WDFY3: variants seen among roughly 807,000 people sequenced by gnomAD.
WDFY3 encodes WD repeat and FYVE domain containing 3.
A neutral mutation model predicts 409.6 loss-of-function variants in WDFY3; 66 were observed. The observed-to-expected ratio is 0.16, with a 90% CI of 0.13 to 0.20. The LOEUF (loss-of-function observed/expected upper bound fraction) is 0.20, where lower values mean the gene tolerates loss of function less well. Ranked by LOEUF, WDFY3 falls within the 10% of genes least tolerant of loss-of-function variation. The pLI, the probability that WDFY3 is intolerant of heterozygous loss-of-function variation, is 1.00. For missense variants in WDFY3, 3,031 were observed against 4,298.1 expected (o/e 0.71, Z 8.24); for synonymous variants, 1,521 against 1,537.1 (o/e 0.99, Z 0.25).
chr4:84,691,955 G>T (rs903659569), intron 59 of WDFY3, among the ~76,000 whole-genome samples, 170 bp from the exon 60 acceptor site: 1 of 152,186 alleles, frequency 6.6e-6, no homozygotes, highest in Admixed American at 6.5e-5. Context: ...TACAAGACCT[G>T]CTGGGTGGAA....
intron 30 of WDFY3, among the ~76,000 whole-genome samples, chr4:84,769,809 T>C (rs1217716490): frequency 2.0e-5 from 3 of 152,160 alleles, no homozygotes; most frequent in African/African-American, 4.8e-5. Flanking sequence ...CCATATGTAA[T>C]GACCAAATCA....
chr4:84,948,326 C>T (rs1181797631), intron 1 of WDFY3, among the ~76,000 whole-genome samples: 5 of 151,920 alleles, frequency 3.3e-5, no homozygotes, highest in Admixed American at 1.3e-4. Context: ...CCTGTTAAGA[C>T]GTTAGTATGA....
At chr4:84,860,681 C>G in intron 3 of WDFY3, 59 bp from the exon 4 acceptor site, 1 of 1,351,304 alleles carries the variant, frequency 7.4e-7, no homozygotes, top group Non-Finnish European at 9.7e-7. Flanking sequence ...CTAGGTCAAG[C>G]ATGCATGTAA....
At chr4:84,852,564 G>GT (rs1230791033) in intron 4 of WDFY3, among the ~76,000 whole-genome samples, 1 of 152,116 alleles carries the variant, frequency 6.6e-6, no homozygotes, top group African/African-American at 2.4e-5. Context: ...CAAGGGTATC[G>GT]TTTTTTCCAG....
Position 84,751,690 on chromosome 4 carries a change from T to C in WDFY3, c.5766A>G (p.Gly1922=). Residue 1922 remains glycine (G), a synonymous_variant, in exon 36 of 68, where the codon GGA becomes GGG. Coordinates refer to ENST00000295888, the MANE Select transcript of WDFY3 (RefSeq NM_014991.6). ...ACGCTTTAAACTCTTCTGCTGGAGATCCAACTTCATCATCAAGGTCAGTCA... is the reference window on the plus strand; with the variant it reads ...ACGCTTTAAACTCTTCTGCTGGAGACCCAACTTCATCATCAAGGTCAGTCA... The part of the protein sequence containing the change: ...EMVTDLDDEV[G]SPAEEFKAFA... The C allele has an allele frequency of 6.2e-7, 1 of 1,614,154 alleles. No homozygotes were observed. Among genetic ancestry groups the C allele is most frequent in the Non-Finnish European group, 8.5e-7 (1 of 1,180,018 alleles).
At chr4:84,956,852 T>C (rs576613175) in intron 1 of WDFY3, among the ~76,000 whole-genome samples, 1 of 152,174 alleles carries the variant, frequency 6.6e-6, no homozygotes, top group Admixed American at 6.5e-5. Flanking sequence ...GCTTAATTAC[T>C]GCAGCACTTG....
chr4:84,739,195 A>G (rs1377222113), intron 39 of WDFY3, 76 bp from the exon 40 acceptor site: 6 of 1,413,806 alleles, frequency 4.2e-6, no homozygotes, highest in East Asian at 2.3e-5. Context: ...GAATTACTCT[A>G]TTTCCATTAC....
chr4:84,810,476 T>A (rs1752318898), intron 13 of WDFY3, 132 bp from the exon 14 acceptor site: 1 of 777,820 alleles, frequency 1.3e-6, no homozygotes. Flanking sequence ...CAATAAACGG[T>A]CCTATAAAGC....
rs537594508 is a variant in WDFY3 at position 84,715,150 on chromosome 4, C to A, written c.7961+148G>T. 55 of 508,966 alleles carry A rather than the reference C, an allele frequency of 1.1e-4. 1 individual carries two copies. The South Asian group carries it at 1.7e-3, about 16-fold the overall frequency. 31.5% of individuals were successfully genotyped at this position (508,966 alleles called of 1,614,324 possible). A position where few individuals can be genotyped will look rare whatever the true frequency, so the allele number is the denominator to read the frequency against. On this transcript the variant is annotated intron_variant, in intron 50 of 67. Transcript: ENST00000295888. ...TTAAAAGTCAGAAGAATAATTGTTTCAAGAGGGTGGCAAAAATAATATAAA... is the reference window on the plus strand; with the variant it reads ...TTAAAAGTCAGAAGAATAATTGTTTAAAGAGGGTGGCAAAAATAATATAAA...
intron 34 of WDFY3, 131 bp from the exon 35 acceptor site, chr4:84,754,007 C>T: frequency 2.0e-6 from 2 of 1,006,894 alleles, no homozygotes; most frequent in African/African-American, 1.7e-5. Context: ...GTAAACCACA[C>T]ATATGAGCAA....
intron 61 of WDFY3, among the ~76,000 whole-genome samples, chr4:84,688,657 T>C (rs1022175779): frequency 6.6e-6 from 1 of 152,200 alleles, no homozygotes; most frequent in Non-Finnish European, 1.5e-5. Context: ...ATATCCATTC[T>C]TTTATGCCAC....
At position 84,821,471 on chromosome 4, in the gene WDFY3, T is replaced by C. The variant is rs148796909; in HGVS notation, c.1204A>G (p.Ile402Val). 721 of 1,613,866 alleles carry C rather than the reference T, an allele frequency of 4.5e-4. 2 individuals are homozygous for C. The African/African-American group carries it at 8.8e-3, about 20-fold the overall frequency. The change falls in exon 11 of 68, where the codon ATC (isoleucine) becomes GTC (valine). Residue 402 changes from isoleucine to valine, a missense_variant. Around this residue, in one of 16 missense-constraint regions of WDFY3, gnomAD observed 1,322 missense variants for 1,697.9 expected, o/e 0.78. Coordinates refer to ENST00000295888, the MANE Select transcript of WDFY3 (RefSeq NM_014991.6). ...LKAKTSFLAQ[I>V]ILDAITNIYM... ...ATATTTGTGATAGCATCAAGGATGA[T>C]TTGGGCAAGGAAGCTGGTTTTTGCT...
intron 1 of WDFY3, among the ~76,000 whole-genome samples, chr4:84,954,744 G>C (rs1432506329): frequency 6.6e-6 from 1 of 152,136 alleles, no homozygotes; most frequent in Non-Finnish European, 1.5e-5. Flanking sequence ...AATAAAATTT[G>C]CTGAAATATA....
At chr4:84,752,456 C>G (rs956164679) in intron 35 of WDFY3, among the ~76,000 whole-genome samples, 2 of 150,172 alleles carry the variant, frequency 1.3e-5, no homozygotes, top group Non-Finnish European at 3.0e-5. Flanking sequence ...GAACTTGGGA[C>G]GTGGAGGTTG....
intron 64 of WDFY3, among the ~76,000 whole-genome samples, chr4:84,680,885 G>T (rs1324498445): frequency 6.6e-6 from 1 of 152,118 alleles, no homozygotes; most frequent in African/African-American, 2.4e-5. Context: ...TCAGATTTTG[G>T]TATCAAAAGG....
intron 21 of WDFY3, among the ~76,000 whole-genome samples, chr4:84,791,522 A>G (rs1256776141): frequency 6.6e-6 from 1 of 152,226 alleles, no homozygotes; most frequent in Non-Finnish European, 1.5e-5. Flanking sequence ...TTGTATGACA[A>G]TAATGTTGTA....
intron 2 of WDFY3, among the ~76,000 whole-genome samples, chr4:84,912,575 A>G (rs1284625526): frequency 6.6e-6 from 1 of 152,192 alleles, no homozygotes; most frequent in Non-Finnish European, 1.5e-5. Flanking sequence ...CCAGCAAAGG[A>G]TGGCTTGGTA....
At chr4:84,941,278 T>C (rs1000961855) in intron 1 of WDFY3, among the ~76,000 whole-genome samples, 1 of 152,060 alleles carries the variant, frequency 6.6e-6, no homozygotes, top group Non-Finnish European at 1.5e-5. Context: ...TTGGCAAGAC[T>C]GCAGTATACA....
In WDFY3 at chr4:84,736,151, A is replaced by C. The variant is rs761406996; in HGVS notation, c.6915+19T>G. On this transcript the variant is annotated intron_variant, in intron 42 of 67. Transcript: ENST00000295888. ...ACAAAATACTACAACTAATATCAGC[A>C]ATGAAACTAAAAAAGTACCTGGGTG... 6.2e-7 allele frequency: 1 copy of C among 1,601,404 alleles called. No homozygotes were observed. Among genetic ancestry groups the C allele is most frequent in the Non-Finnish European group, 8.5e-7 (1 of 1,175,392 alleles).
Sources: gnomAD v4.1 joint callset for allele counts (sites outside exome capture counted in the v4.1 genomes callset) on GRCh38, gnomAD v4.1.1 for gene constraint, gnomAD v4.1.1 regional missense constraint, MANE v1.5 for transcripts, NCBI Gene and HGNC (gene_info 2026-07-23, HGNC 2026-07-21) for gene names.